VMP1: variants seen among roughly 807,000 people sequenced by gnomAD.
The protein encoded by VMP1 is ectopic P-granules autophagy protein 3 homolog.
In VMP1, 11 loss-of-function variants were observed where a neutral mutation model predicts 56.0. The ratio of observed to expected loss-of-function variants is 0.20; its 90% CI spans 0.12 to 0.32. VMP1 has a LOEUF of 0.32. VMP1 is among the 10% of genes least tolerant of loss of function. The probability of loss-of-function intolerance (pLI) is 1.00; values close to 1 mark genes in which losing one functional copy is unlikely to be tolerated. For synonymous variants in VMP1, 149 were observed against 165.0 expected (o/e 0.90, Z 0.74); for missense variants, 296 against 490.3 (o/e 0.60, Z 3.74).
chr17:59,819,273 A>G (rs1251740060), intron 10 of VMP1, among the ~76,000 whole-genome samples: 3 of 152,170 alleles, frequency 2.0e-5, no homozygotes, highest in Admixed American at 2.0e-4. Context: ...TCACATAAAG[A>G]CAAAAAATAT....
At chr17:59,816,536 G>C (rs1266696257) in intron 9 of VMP1, among the ~76,000 whole-genome samples, 13 of 152,270 alleles carry the variant, frequency 8.5e-5, no homozygotes, top group Non-Finnish European at 2.9e-5. Flanking sequence ...GCTGGGCACA[G>C]TGGCTGACGC....
chr17:59,752,856 AG>A lies in VMP1; in HGVS notation c.415-12114del, dbSNP rs981664280. ...TTTTTAGCTGTTCTTATTTTTAAAAAGTAACTATGTAAGATGATAAACATGT... is the reference window on the plus strand; with the variant it reads ...TTTTTAGCTGTTCTTATTTTTAAAAATAACTATGTAAGATGATAAACATGT... On this transcript the variant is annotated intron_variant, in intron 5 of 11. Coordinates refer to ENST00000262291, the MANE Select transcript of VMP1 (RefSeq NM_030938.5). 3.3e-5 allele frequency among the ~76,000 whole-genome samples: 5 copies of A among 152,244 alleles called. No homozygotes were observed. The East Asian group carries it at 5.8e-4, about 18-fold the overall frequency.
chr17:59,753,660 A>AC (rs2035735909), intron 5 of VMP1, among the ~76,000 whole-genome samples: 2 of 152,070 alleles, frequency 1.3e-5, no homozygotes, highest in Middle Eastern at 6.8e-3. Context: ...AAAAGACTTC[A>AC]CAAAGCCCCA....
At chr17:59,799,352 ATC>A (rs992961909) in intron 7 of VMP1, among the ~76,000 whole-genome samples, 2 of 152,132 alleles carry the variant, frequency 1.3e-5, no homozygotes, top group African/African-American at 4.8e-5. Context: ...ACCAGTGACC[ATC>A]TCTGATTTTA....
intron 9 of VMP1, among the ~76,000 whole-genome samples, chr17:59,815,389 A>G (rs2038190454): frequency 6.6e-6 from 1 of 152,196 alleles, no homozygotes; most frequent in Non-Finnish European, 1.5e-5. Flanking sequence ...CTTAAAATAC[A>G]TCACTGTTCT....
rs1170059128 is a variant in VMP1, at chr17:59,811,631, T to C, written c.796-39T>C. On this transcript the variant is annotated intron_variant, in intron 8 of 11. Coordinates refer to ENST00000262291, the MANE Select transcript of VMP1 (RefSeq NM_030938.5). ...TGGGTGATAAAATTAAATTGTTCTT[T>C]GGATTATAATATGGAAGTCCTTCTT... 2.1e-6 allele frequency: 3 copies of C among 1,453,688 alleles called. No homozygotes were observed. In the African/African-American group the frequency reaches 4.2e-5, roughly 20 times the overall value. The allele number at this position is 1,453,688 out of a possible 1,614,324, so 90.0% of individuals were successfully genotyped here. A position where few individuals can be genotyped will look rare whatever the true frequency, so the allele number is the denominator to read the frequency against.
At chr17:59,753,383 GTAAT>G (rs2035725487) in intron 5 of VMP1, among the ~76,000 whole-genome samples, 1 of 152,044 alleles carries the variant, frequency 6.6e-6, no homozygotes, top group Non-Finnish European at 1.5e-5. Context: ...TCATAATTCT[GTAAT>G]TAACCAGGTT....
chr17:59,841,322 G>C lies in VMP1; in HGVS notation c.*1411G>C, dbSNP rs747325963. 1 of 511,238 alleles carries C rather than the reference G, an allele frequency of 2.0e-6. No individual in the cohort carries two copies. The highest frequency in any genetic ancestry group is 4.1e-6 in the Non-Finnish European group (1 of 241,794). The allele number at this position is 511,238 out of a possible 1,614,324, so 31.7% of individuals were successfully genotyped here. On this transcript the variant is annotated 3_prime_UTR_variant, in exon 12 of 12. Coordinates refer to ENST00000262291, the MANE Select transcript of VMP1 (RefSeq NM_030938.5). ...GTTGAATCTCATGGCAACACCAGTC[G>C]ATGGGCTGTCTGACATTTTGGTATC...
chr17:59,747,648 T>C (rs994632469), intron 5 of VMP1, among the ~76,000 whole-genome samples: 3 of 151,478 alleles, frequency 2.0e-5, no homozygotes, highest in Non-Finnish European at 2.9e-5. Context: ...TAACCTCAAG[T>C]GATCCACCCG....
At chr17:59,791,817 C>G (rs2037240818) in intron 7 of VMP1, among the ~76,000 whole-genome samples, 1 of 152,090 alleles carries the variant, frequency 6.6e-6, no homozygotes, top group Non-Finnish European at 1.5e-5. Flanking sequence ...TTGCCGTTGT[C>G]TGTATTGAAG....
At chr17:59,824,830 G>A (rs1427433225) in intron 10 of VMP1, among the ~76,000 whole-genome samples, 1 of 136,866 alleles carries the variant, frequency 7.3e-6, no homozygotes, top group Non-Finnish European at 1.5e-5. Flanking sequence ...CCGAGATTGC[G>A]CCACTGCACT....
intron 7 of VMP1, among the ~76,000 whole-genome samples, chr17:59,801,080 G>GAA (rs571996545): frequency 0.12 from 7,364 of 63,190 alleles, 452 homozygotes; most frequent in Non-Finnish European, 0.14. Flanking sequence ...ACTCCATCTC[G>GAA]AAAAAAAAAA....
intron 1 of VMP1, among the ~76,000 whole-genome samples, chr17:59,717,259 C>A (rs1046520721): frequency 3.3e-5 from 5 of 152,130 alleles, no homozygotes; most frequent in Admixed American, 2.6e-4. Context: ...CATGAGCCAC[C>A]GCGCTCGGCC....
intron 10 of VMP1, among the ~76,000 whole-genome samples, chr17:59,837,196 CTG>C (rs1247947145): frequency 6.6e-6 from 1 of 150,728 alleles, no homozygotes; most frequent in African/African-American, 2.4e-5. Context: ...GAGTGAGACT[CTG>C]TCTCAAAAAA....
intron 9 of VMP1, 66 bp downstream of exon 9, chr17:59,811,852 C>T (rs2038061331): frequency 1.8e-6 from 2 of 1,117,754 alleles, no homozygotes; most frequent in African/African-American, 3.1e-5. Flanking sequence ...GAAACATGCT[C>T]ATTCCTAAGT....
intron 1 of VMP1, among the ~76,000 whole-genome samples, chr17:59,723,523 T>C (rs1397796311): frequency 6.6e-6 from 1 of 152,232 alleles, no homozygotes; most frequent in African/African-American, 2.4e-5. Context: ...ATCGATAATC[T>C]TCACAAAAGC....
intron 10 of VMP1, among the ~76,000 whole-genome samples, chr17:59,829,314 G>GA (rs1252049864): frequency 6.6e-6 from 1 of 152,188 alleles, no homozygotes; most frequent in Admixed American, 6.5e-5. Flanking sequence ...AGATATTAAT[G>GA]AGTCAGCATG....
chr17:59,824,274 A>G (rs1156924418), intron 10 of VMP1, among the ~76,000 whole-genome samples: 1 of 151,428 alleles, frequency 6.6e-6, no homozygotes, highest in African/African-American at 2.4e-5. Flanking sequence ...AAGGGTATCA[A>G]AAATCTTTTG....
intron 5 of VMP1, among the ~76,000 whole-genome samples, chr17:59,752,327 C>T (rs996727388): frequency 6.6e-6 from 1 of 152,132 alleles, no homozygotes; most frequent in Non-Finnish European, 1.5e-5. Flanking sequence ...AACCCCTGCT[C>T]CAACTCATTG....
Sources: gnomAD v4.1 joint callset for allele counts (sites outside exome capture counted in the v4.1 genomes callset) on GRCh38, gnomAD v4.1.1 for gene constraint, MANE v1.5 for transcripts, NCBI Gene and HGNC (gene_info 2026-07-23, HGNC 2026-07-21) for gene names.